Variants in SPACA1 observed in about 807,000 individuals in gnomAD.
SPACA1 encodes sperm acrosome associated 1, also known as sperm acrosome membrane-associated protein 1.
Under a neutral mutation model 32.6 loss-of-function variants are expected in SPACA1, and 17 were observed. The ratio of observed to expected loss-of-function variants is 0.52; its 90% CI spans 0.36 to 0.78. SPACA1 has a LOEUF of 0.78. SPACA1 is among the 30% of genes least tolerant of loss of function. The pLI is 0.01. For synonymous variants in SPACA1, 140 were observed against 138.1 expected, an observed-to-expected ratio of 1.01 and a Z score of -0.10; for missense variants, 363 against 373.4, an observed-to-expected ratio of 0.97 and a Z score of 0.23.
Position 88,059,508 on chromosome 6 carries a change from A to C in SPACA1, c.530A>C (p.His177Pro). 6.2e-7 allele frequency: 1 copy of C among 1,613,490 alleles called. No individual in the cohort carries two copies. The highest frequency in any genetic ancestry group is 8.5e-7 in the Non-Finnish European group (1 of 1,179,742). ...SAILEVRKES[H>P]PLAFECDTLD... ...ATCCTAGAAGTACGCAAGGAAAGTC[A>C]CCCCTTGGCTTTCGAGTGTGACACA... The change falls in exon 5 of 7, where the codon CAC becomes CCC. Residue 177 changes from histidine to proline, a missense_variant. Coordinates refer to ENST00000237201, the MANE Select transcript of SPACA1 (RefSeq NM_030960.3).
intron 2 of SPACA1, among the ~76,000 whole-genome samples, chr6:88,054,758 C>T (rs1775781599): frequency 6.6e-6 from 1 of 152,014 alleles, no homozygotes; most frequent in Non-Finnish European, 1.5e-5. Flanking sequence ...GCAGGGGTGG[C>T]GGTGTCAAAA....
chr6:88,048,637 C>T (rs1003943924), intron 1 of SPACA1, among the ~76,000 whole-genome samples: 2 of 152,148 alleles, frequency 1.3e-5, no homozygotes, highest in East Asian at 3.9e-4. Flanking sequence ...AGCACCTCTG[C>T]ATTGTGGTGT....
intron 6 of SPACA1, among the ~76,000 whole-genome samples, chr6:88,064,915 TAA>T (rs1015968494): frequency 6.7e-6 from 1 of 148,208 alleles, no homozygotes; most frequent in Admixed American, 6.8e-5. Flanking sequence ...ATGGGTTATA[TAA>T]TATATATGTA....
rs1262437278 is a variant in SPACA1 at position 88,059,439 on chromosome 6, T to A, written c.475-14T>A. ...AAAATGTTGATACTTTGTTATTTTT[T>A]TCTTTTTAAATAGCAATCCATTATA... On this transcript the variant is annotated splice_polypyrimidine_tract_variant and intron_variant, in intron 4 of 6. Coordinates refer to ENST00000237201, the MANE Select transcript of SPACA1 (RefSeq NM_030960.3). 1 of 1,583,254 alleles carries A rather than the reference T, an allele frequency of 6.3e-7. No homozygotes were observed. The highest frequency in any genetic ancestry group is 1.8e-5 in the Admixed American group (1 of 54,560).
intron 5 of SPACA1, among the ~76,000 whole-genome samples, 182 bp downstream of exon 5, chr6:88,059,770 T>C (rs764294472): frequency 1.2e-4 from 19 of 152,232 alleles, no homozygotes; most frequent in Non-Finnish European, 2.5e-4. Flanking sequence ...TTGCTGCTGG[T>C]CCAGAGACCA....
Position 88,066,493 on chromosome 6 carries a change from T to G in SPACA1, c.*158T>G. ...GGGATAGGACTATTTTATCAGTGCA[T>G]TTTTCCAGTACAGTTATCAAATATT... On this transcript the variant is annotated 3_prime_UTR_variant, in exon 7 of 7. Transcript: ENST00000237201. The G allele has an allele frequency of 3.8e-6, 2 of 521,648 alleles. No homozygotes were observed. The highest frequency in any genetic ancestry group is 6.1e-6 in the Non-Finnish European group (2 of 329,244). The allele number at this position is 521,648 out of a possible 1,614,324, so 32.3% of individuals were successfully genotyped here.
chr6:88,062,715 G>A (rs975829391), intron 5 of SPACA1, among the ~76,000 whole-genome samples: 2 of 152,122 alleles, frequency 1.3e-5, no homozygotes, highest in African/African-American at 2.4e-5. Flanking sequence ...TAGGGAGGCT[G>A]AGGTGGGAAG....
intron 1 of SPACA1, among the ~76,000 whole-genome samples, chr6:88,051,122 G>C (rs1582267331): frequency 6.6e-6 from 1 of 151,748 alleles, no homozygotes; most frequent in South Asian, 2.1e-4. Flanking sequence ...ACTCCAGCCT[G>C]GGCAACAGAG....
chr6:88,066,058 A>G, intron 6 of SPACA1, 124 bp from the exon 7 acceptor site: 1 of 629,210 alleles, frequency 1.6e-6, no homozygotes, highest in Non-Finnish European at 2.5e-6. Flanking sequence ...CATATATAAT[A>G]TATACATACA....
intron 1 of SPACA1, among the ~76,000 whole-genome samples, chr6:88,051,060 T>C (rs1775720586): frequency 6.6e-6 from 1 of 151,622 alleles, no homozygotes; most frequent in Admixed American, 6.6e-5. Flanking sequence ...GGCAGGAGAA[T>C]GGCGTGAACC....
intron 5 of SPACA1, among the ~76,000 whole-genome samples, chr6:88,061,721 G>A (rs576554616): frequency 7.6e-6 from 1 of 131,070 alleles, no homozygotes; most frequent in Non-Finnish European, 1.7e-5. Context: ...ATACATTTCT[G>A]TTGTTTTCGT....
chr6:88,050,955 G>C (rs999556023), intron 1 of SPACA1, among the ~76,000 whole-genome samples: 1 of 152,024 alleles, frequency 6.6e-6, no homozygotes, highest in African/African-American at 2.4e-5. Context: ...AGAGCATCCT[G>C]GCTAACACGG....
rs113244949 is a variant in SPACA1, at chr6:88,063,716, A to T, written c.611-383A>T. Reference sequence around the variant, plus strand: ...TTGTGTGAAAATTTTATTTCAAAGAAAAAACTAATATTAAACTCCAGTTAA... The same window carrying T: ...TTGTGTGAAAATTTTATTTCAAAGATAAAACTAATATTAAACTCCAGTTAA... On this transcript the variant is annotated intron_variant, in intron 5 of 6. Transcript: ENST00000237201. Among the ~76,000 whole-genome samples the T allele has an allele frequency of 3.9e-5, 6 of 152,342 alleles. 1 individual carries two copies. Among genetic ancestry groups the T allele is most frequent in the African/African-American group, 1.2e-4 (5 of 41,582 alleles).
At chr6:88,064,271 C>G in intron 6 of SPACA1, 52 bp downstream of exon 6, 2 of 1,561,688 alleles carry the variant, frequency 1.3e-6, no homozygotes, top group Non-Finnish European at 1.7e-6. Flanking sequence ...CCTCTTCTTC[C>G]CCCTCCTCAT....
intron 1 of SPACA1, among the ~76,000 whole-genome samples, chr6:88,050,252 A>G (rs1240391454): frequency 6.6e-6 from 1 of 152,210 alleles, no homozygotes; most frequent in Non-Finnish European, 1.5e-5. Flanking sequence ...TCAGGATTAA[A>G]TCTTTCCTGT....
At chr6:88,057,251 A>G (rs1775823114) in intron 2 of SPACA1, among the ~76,000 whole-genome samples, 1 of 152,230 alleles carries the variant, frequency 6.6e-6, no homozygotes, top group African/African-American at 2.4e-5. Flanking sequence ...GATCAATGCG[A>G]ATGTACACAA....
At position 88,057,727 on chromosome 6, in the gene SPACA1, T is replaced by C. The variant is rs1227111030; in HGVS notation, c.367+14T>C. 3.1e-6 allele frequency: 5 copies of C among 1,605,694 alleles called. No individual in the cohort carries two copies. The Admixed American group carries it at 8.3e-5, about 27-fold the overall frequency. ...CAGATTGTGGCTGTGAGTTGAATTA[T>C]GTATTGGAGGGAGACTGTGGGCAAG... is the stretch of plus-strand genomic sequence containing the variant. On this transcript the variant is annotated intron_variant, in intron 3 of 6. Coordinates refer to ENST00000237201, the MANE Select transcript of SPACA1 (RefSeq NM_030960.3).
At chr6:88,049,016 T>G (rs1448894568) in intron 1 of SPACA1, among the ~76,000 whole-genome samples, 1 of 152,240 alleles carries the variant, frequency 6.6e-6, no homozygotes, top group Non-Finnish European at 1.5e-5. Flanking sequence ...TCTACCAGCC[T>G]TTCTTTCATT....
At chr6:88,049,956 A>G (rs915233423) in intron 1 of SPACA1, among the ~76,000 whole-genome samples, 1 of 152,216 alleles carries the variant, frequency 6.6e-6, no homozygotes, top group African/African-American at 2.4e-5. Context: ...CTACAAAGGC[A>G]TATATTTTGT....
Sources: allele counts gnomAD v4.1 joint callset (sites outside exome capture counted in the v4.1 genomes callset), GRCh38; gene constraint gnomAD v4.1.1; transcripts MANE v1.5; gene names NCBI Gene and HGNC (gene_info 2026-07-23, HGNC 2026-07-21).